Variants in CASP9 observed in about 807,000 individuals in gnomAD.
CASP9 encodes caspase-9.
In CASP9, 29 loss-of-function variants were observed where a neutral mutation model predicts 43.5. That is an observed-to-expected ratio of 0.67 (90% CI 0.50 to 0.91). The LOEUF is 0.91. Ranked by LOEUF, CASP9 falls within the 40% of genes least tolerant of loss-of-function variation. The pLI is 0.00. For synonymous variants in CASP9, 206 were observed against 211.9 expected (o/e 0.97, Z 0.24); for missense variants, 575 against 537.4 (o/e 1.07, Z -0.69).
chr1:15,519,347 T>C (rs1053049126), intron 1 of CASP9, among the ~76,000 whole-genome samples: 1 of 152,056 alleles, frequency 6.6e-6, no homozygotes, highest in African/African-American at 2.4e-5. Context: ...GCCTGGCTAA[T>C]GTTTGTATTT....
At chr1:15,516,077 C>G (rs1019608279) in intron 2 of CASP9, among the ~76,000 whole-genome samples, 1 of 151,532 alleles carries the variant, frequency 6.6e-6, no homozygotes, top group Non-Finnish European at 1.5e-5. Context: ...TGGCGGCTGC[C>G]TGTAGTCCCA....
rs1433133669 is a variant in CASP9, at chr1:15,504,719, C to G, written c.760G>C (p.Asp254His). The part of the protein sequence containing the change: ...LQFPGAVYGT[D>H]GCPVSVEKIV... The stretch of plus-strand genomic sequence containing the variant: ...TTCTCGACCGACACAGGGCATCCAT[C>G]TGTGCCGTAGACAGCCCCTGGGAAC... Residue 254 changes from aspartate to histidine, a missense_variant, in exon 6 of 9, where the codon GAT becomes CAT. Physicochemically the swap from Asp to His is moderately conservative, Grantham distance 81. Coordinates refer to ENST00000333868, the MANE Select transcript of CASP9 (RefSeq NM_001229.5). The G allele has an allele frequency of 1.2e-6, 2 of 1,614,226 alleles. No individual in the cohort carries two copies. The highest frequency in any genetic ancestry group is 4.5e-5 in the East Asian group (2 of 44,890).
upstream of CASP9, chr1:15,524,217 A>G: frequency 6.5e-7 from 1 of 1,538,396 alleles, no homozygotes; most frequent in Non-Finnish European, 8.7e-7. Flanking sequence ...TAGCCAACTA[A>G]GACTCCAGGC....
chr1:15,501,668 T>TA (rs1424151847), intron 6 of CASP9, among the ~76,000 whole-genome samples: 1 of 152,278 alleles, frequency 6.6e-6, no homozygotes, highest in Non-Finnish European at 1.5e-5. Context: ...AGGGATATCT[T>TA]AATCACTGCA....
chr1:15,494,331 G>A (rs771417011), intron 7 of CASP9, among the ~76,000 whole-genome samples: 10 of 152,114 alleles, frequency 6.6e-5, no homozygotes, highest in Non-Finnish European at 1.2e-4. Context: ...TTGGAAGGCC[G>A]AGGTGGGCAA....
chr1:15,517,221 T>C (rs1491002832), intron 2 of CASP9, among the ~76,000 whole-genome samples: 1 of 152,160 alleles, frequency 6.6e-6, no homozygotes, highest in African/African-American at 2.4e-5. Flanking sequence ...CTGTGGATTA[T>C]TCAGAATGCC....
upstream of CASP9, chr1:15,524,461 G>A (rs12060237): frequency 2.3e-4 from 233 of 1,018,064 alleles, 2 homozygotes; most frequent in Middle Eastern, 2.3e-3. Flanking sequence ...CCATCACCGC[G>A]CCGCCCCAGA....
At chr1:15,496,997 A>C (rs2103329784) in intron 6 of CASP9, among the ~76,000 whole-genome samples, 1 of 152,214 alleles carries the variant, frequency 6.6e-6, no homozygotes, top group South Asian at 2.1e-4. Context: ...CCTGGGTGAC[A>C]AAGCAAGACC....
intron 2 of CASP9, among the ~76,000 whole-genome samples, chr1:15,514,504 C>T (rs1000568073): frequency 1.3e-5 from 2 of 152,188 alleles, no homozygotes; most frequent in Non-Finnish European, 1.5e-5. Context: ...GAAAATGGGA[C>T]AGTCGCTCTA....
Position 15,491,550 on chromosome 1 carries a change from G to C in CASP9, c.*1393C>G. 2 of 514,498 alleles carry C rather than the reference G, an allele frequency of 3.9e-6. No homozygotes were observed. The highest frequency in any genetic ancestry group is 3.5e-5 in the East Asian group (1 of 28,896). The allele number at this position is 514,498 out of a possible 1,614,324, so 31.9% of individuals were successfully genotyped here. A position where few individuals can be genotyped will look rare whatever the true frequency, so the allele number is the denominator to read the frequency against. ...AGGCAGGCTGATCGCTTGAGTCCAG[G>C]AGTTCAAGACCAGCCTGAGTAACAT... On this transcript the variant is annotated 3_prime_UTR_variant, in exon 9 of 9. Coordinates refer to ENST00000333868, the MANE Select transcript of CASP9 (RefSeq NM_001229.5).
chr1:15,509,460 C>T (rs1228337938), intron 2 of CASP9, among the ~76,000 whole-genome samples: 1 of 105,670 alleles, frequency 9.5e-6, no homozygotes, highest in African/African-American at 3.5e-5. Flanking sequence ...ACTAAAAATA[C>T]AAAAAAAAAA....
At position 15,506,813 on chromosome 1, in the gene CASP9, A is replaced by C. The variant is rs933720341; in HGVS notation, c.630+86T>G. 8 of 1,150,454 alleles carry C rather than the reference A, an allele frequency of 7.0e-6. No homozygotes were observed. In the African/African-American group the frequency reaches 9.1e-5, roughly 13 times the overall value. The allele number at this position is 1,150,454 out of a possible 1,614,324, so 71.3% of individuals were successfully genotyped here. A position where few individuals can be genotyped will look rare whatever the true frequency, so the allele number is the denominator to read the frequency against. On this transcript the variant is annotated intron_variant, in intron 4 of 8. Transcript: ENST00000333868. ...TCCAGATGTAAGGGCTCGCCTGGGG[A>C]GTCAGCTGGCTTTTGGAGTCCCTCA...
At chr1:15,504,044 C>T (rs527299033) in intron 6 of CASP9, among the ~76,000 whole-genome samples, 5 of 152,172 alleles carry the variant, frequency 3.3e-5, no homozygotes, top group South Asian at 4.1e-4. Context: ...GACAGGGTCT[C>T]GCTGTGTTGC....
chr1:15,518,497 C>A, intron 1 of CASP9, 102 bp from the exon 2 acceptor site: 2 of 1,267,212 alleles, frequency 1.6e-6, no homozygotes, highest in Non-Finnish European at 2.2e-6. Context: ...AACAATCAGG[C>A]ACGTGGGCAG....
At chr1:15,524,662 C>A (rs1301098526), upstream of CASP9, 8 of 1,048,466 alleles carry the variant, frequency 7.6e-6, no homozygotes, top group South Asian at 2.6e-5. Flanking sequence ...CCCAAGGATT[C>A]GCTCTTGCGT....
rs553311692 is a variant in CASP9 at position 15,493,738 on chromosome 1, A to G, written c.1158+154T>C. The stretch of plus-strand genomic sequence containing the variant: ...GGCAGGATGCCTCTCATAAAGAGAC[A>G]CAAAAGTGCCGACTCCAAGGCTCAG... On this transcript the variant is annotated intron_variant, in intron 8 of 8. Transcript: ENST00000333868. 3.0e-5 allele frequency: 46 copies of G among 1,516,592 alleles called. No homozygotes were observed. In the African/African-American group the frequency reaches 5.9e-4, roughly 20 times the overall value. 93.9% of individuals were successfully genotyped at this position (1,516,592 alleles called of 1,614,324 possible).
chr1:15,521,546 G>C (rs1400269436), intron 1 of CASP9, among the ~76,000 whole-genome samples: 8 of 152,048 alleles, frequency 5.3e-5, no homozygotes, highest in Non-Finnish European at 4.4e-5. Context: ...TAAGTGCATA[G>C]AAGAAAACGC....
intron 6 of CASP9, among the ~76,000 whole-genome samples, chr1:15,500,258 G>A (rs776833831): frequency 6.6e-6 from 1 of 152,196 alleles, no homozygotes; most frequent in Non-Finnish European, 1.5e-5. Context: ...GAATGTGACT[G>A]TGATCCAGGC....
intron 6 of CASP9, among the ~76,000 whole-genome samples, chr1:15,500,290 G>A (rs769849719): frequency 3.9e-5 from 6 of 152,252 alleles, no homozygotes; most frequent in South Asian, 4.1e-4. Context: ...CAGGGAGAAC[G>A]GTCCTGGTGA....
Sources: allele counts gnomAD v4.1 joint callset (sites outside exome capture counted in the v4.1 genomes callset), GRCh38; gene constraint gnomAD v4.1.1; transcripts MANE v1.5; gene names NCBI Gene and HGNC (gene_info 2026-07-23, HGNC 2026-07-21).